Variants in SMTN observed in about 807,000 individuals in gnomAD.
SMTN encodes smoothelin.
A neutral mutation model predicts 102.0 loss-of-function variants in SMTN; 58 were observed. The observed-to-expected ratio is 0.57, with a 90% CI of 0.46 to 0.71. SMTN has a LOEUF of 0.71. Ranked by LOEUF, SMTN falls within the 30% of genes least tolerant of loss-of-function variation. The pLI, the probability that SMTN is intolerant of heterozygous loss-of-function variation, is 0.00. For synonymous variants in SMTN, 478 were observed against 497.9 expected (o/e 0.96, Z 0.53); for missense variants, 1,185 against 1,241.7 (o/e 0.95, Z 0.69).
At position 31,104,443 on chromosome 22, in the gene SMTN, CGCCTGCGCGGCAAGAATGTCTAGCCT is replaced by C. The variant is rs1401934599; in HGVS notation, c.*152_*177del. The C allele has an allele frequency of 1.2e-6, 2 of 1,613,960 alleles. No individual in the cohort carries two copies. The highest frequency in any genetic ancestry group is 4.5e-5 in the East Asian group (2 of 44,868). On this transcript the variant is annotated 3_prime_UTR_variant, in exon 21 of 21. Transcript: ENST00000333137. ...CAACCACCTGCGACGCCACGAACTG[CGCCTGCGCGGCAAGAATGTCTAGCCT>C]GCCCGCCCGCATGGCCAGCCAGTGG... is the stretch of plus-strand genomic sequence containing the variant.
chr22:31,093,547 C>T (rs370725565), intron 11 of SMTN: 88 of 714,930 alleles, frequency 1.2e-4, no homozygotes, highest in Non-Finnish European at 1.7e-4. Context: ...TGAAGCAGGC[C>T]GGGTGGCAGT....
At chr22:31,091,924 G>A (rs776619553) in intron 11 of SMTN, 77 bp downstream of exon 11, 19 of 1,314,878 alleles carry the variant, frequency 1.4e-5, no homozygotes, top group Non-Finnish European at 1.9e-5. Context: ...GGGCTAGCAG[G>A]GTTCCTCTGC....
intron 13 of SMTN, 162 bp from the exon 14 acceptor site, chr22:31,096,571 C>T (rs2043591908): frequency 1.6e-6 from 1 of 636,844 alleles, no homozygotes; most frequent in South Asian, 2.7e-5. Flanking sequence ...TATGGCTGTC[C>T]CCTCACCCCA....
intron 1 of SMTN, among the ~76,000 whole-genome samples, chr22:31,069,824 G>C (rs929346352): frequency 1.3e-5 from 2 of 152,238 alleles, no homozygotes; most frequent in African/African-American, 4.8e-5. Context: ...TTCCAGCCCT[G>C]ACTTGCTCTC....
chr22:31,073,032 T>TTTTTTTTG (rs869214569), intron 1 of SMTN, among the ~76,000 whole-genome samples: 1 of 110,522 alleles, frequency 9.0e-6, no homozygotes. Flanking sequence ...TTTTTTTTTT[T>TTTTTTTTG]GAGACAGGGT....
At position 31,095,561 on chromosome 22, in the gene SMTN, C is replaced by T. The variant is rs766371134; in HGVS notation, c.1813C>T (p.Arg605Trp). Residue 605 changes from arginine (R) to tryptophan (W), a missense_variant, in exon 13 of 21, where the codon CGG (arginine) becomes TGG (tryptophan). This residue lies in a region of SMTN where 1,096 missense variants were observed against 1,112.7 expected (regional missense o/e 0.98). Coordinates refer to ENST00000333137, the MANE Select transcript of SMTN (RefSeq NM_134269.3). This position sits in a 1 kb window ranked among gnomAD's most constrained non-coding sequence, Gnocchi z 4.1. ...GGATCAGAGCACGGACTTTGAAGAG[C>T]GGAAGCTCATCCGGGCTGCACTTCG... Reference protein sequence around the residue: ...MLDQSTDFEERKLIRAALREL... With the variant: ...MLDQSTDFEEWKLIRAALREL... 2.5e-5 allele frequency: 41 copies of T among 1,613,914 alleles called. No homozygotes were observed. The highest frequency in any genetic ancestry group is 1.5e-4 in the Admixed American group (9 of 59,964).
rs775496607 is a variant in SMTN, at chr22:31,091,077, C to T, written c.1054C>T (p.Pro352Ser). The T allele has an allele frequency of 1.2e-6, 2 of 1,614,008 alleles. No individual in the cohort carries two copies. Among genetic ancestry groups the T allele is most frequent in the Non-Finnish European group, 1.7e-6 (2 of 1,179,974 alleles). Residue 352 changes from proline (P) to serine (S), a missense_variant, in exon 10 of 21, where the codon CCC becomes TCC. Around this residue, in one of 2 missense-constraint regions of SMTN, gnomAD observed 1,096 missense variants for 1,112.7 expected, o/e 0.98. Coordinates refer to ENST00000333137, the MANE Select transcript of SMTN (RefSeq NM_134269.3). The part of the protein sequence containing the change: ...PMAARLQDGT[P>S]QAALSPLTPA... ...GGCTGCTAGGCTCCAGGATGGCACA[C>T]CCCAGGCTGCCCTAAGTCCCCTGAC...
At chr22:31,072,843 C>T (rs1415791770) in intron 1 of SMTN, among the ~76,000 whole-genome samples, 2 of 151,928 alleles carry the variant, frequency 1.3e-5, no homozygotes, top group African/African-American at 4.8e-5. Context: ...ACTGCAGCCT[C>T]AACCTCCTAG....
intron 1 of SMTN, among the ~76,000 whole-genome samples, chr22:31,069,242 T>C (rs2041939122): frequency 1.3e-5 from 2 of 152,076 alleles, no homozygotes; most frequent in South Asian, 4.1e-4. Context: ...TAGGGCGCTC[T>C]CTTCCAGGAT....
upstream of SMTN, among the ~76,000 whole-genome samples, chr22:31,081,111 A>C (rs977597416): frequency 1.8e-4 from 28 of 151,634 alleles, no homozygotes; most frequent in Non-Finnish European, 5.9e-5. Flanking sequence ...GACTCGCTAA[A>C]GCCACCGAGG....
chr22:31,078,121 A>G (rs183920502), upstream of SMTN, among the ~76,000 whole-genome samples: 7 of 152,338 alleles, frequency 4.6e-5, no homozygotes, highest in Admixed American at 1.3e-4. Context: ...TAGAGAGCCC[A>G]AGGCACAGCT....
intron 14 of SMTN, 24 bp from the exon 15 acceptor site, chr22:31,096,974 C>G: frequency 6.2e-7 from 1 of 1,613,938 alleles, no homozygotes. Flanking sequence ...CCTTTCACAT[C>G]CTTCTCATCC....
chr22:31,072,768 T>C (rs2042034359), intron 1 of SMTN, among the ~76,000 whole-genome samples: 1 of 152,030 alleles, frequency 6.6e-6, no homozygotes. Flanking sequence ...AGCCTCTTTT[T>C]CTTTTTTTTA....
At chr22:31,094,277 G>A (rs995535103) in intron 11 of SMTN, among the ~76,000 whole-genome samples, 13 of 152,200 alleles carry the variant, frequency 8.5e-5, no homozygotes, top group Admixed American at 3.3e-4. Flanking sequence ...GGGCTGCAGG[G>A]CTAGAGACTC....
At chr22:31,085,108 C>T (rs1280026891) in intron 2 of SMTN, 1 of 1,535,260 alleles carries the variant, frequency 6.5e-7, no homozygotes, top group East Asian at 2.4e-5. Context: ...ACTTGCACGC[C>T]GCGTGCCCCT....
At position 31,104,385 on chromosome 22, in the gene SMTN, C is replaced by G. The variant is rs2044333069; in HGVS notation, c.*90C>G. 1.9e-6 allele frequency: 3 copies of G among 1,614,062 alleles called. No individual in the cohort carries two copies. The highest frequency in any genetic ancestry group is 2.2e-5 in the South Asian group (2 of 91,088). On this transcript the variant is annotated 3_prime_UTR_variant, in exon 21 of 21. Coordinates refer to ENST00000333137, the MANE Select transcript of SMTN (RefSeq NM_134269.3). ...TGATCATGGGCAAGAAGCCTGACCCCAAGTGTGTCTTCACCTATGTGCAGT... is the reference window on the plus strand; with the variant it reads ...TGATCATGGGCAAGAAGCCTGACCCGAAGTGTGTCTTCACCTATGTGCAGT...
At chr22:31,084,392 C>T (rs1398579706) in intron 2 of SMTN, among the ~76,000 whole-genome samples, 1 of 152,252 alleles carries the variant, frequency 6.6e-6, no homozygotes, top group Non-Finnish European at 1.5e-5. Context: ...GGGCAGTGCC[C>T]AGCTGCTGCC....
At chr22:31,067,643 C>T (rs2041889458) in intron 1 of SMTN, 1 of 150,812 alleles carries the variant, frequency 6.6e-6, no homozygotes, top group Non-Finnish European at 1.5e-5. Flanking sequence ...CAAGCTCTGC[C>T]TCCCGGGTTC....
chr22:31,088,307 G>T, intron 3 of SMTN, 194 bp downstream of exon 3: 1 of 805,050 alleles, frequency 1.2e-6, no homozygotes. Context: ...CGTCGCGGCC[G>T]TGCTGATGTA....
Sources: allele counts gnomAD v4.1 joint callset (sites outside exome capture counted in the v4.1 genomes callset), GRCh38; gene constraint gnomAD v4.1.1; regional missense constraint gnomAD v4.1.1; non-coding constraint Gnocchi (gnomAD v3.1); transcripts MANE v1.5; gene names NCBI Gene and HGNC (gene_info 2026-07-23, HGNC 2026-07-21).